The following ZNF277 variants were observed in gnomAD, a reference collection of about 807,000 sequenced individuals.
The protein encoded by ZNF277 is zinc finger protein 277.
A neutral mutation model predicts 60.7 loss-of-function variants in ZNF277; 55 were observed. The ratio of observed to expected loss-of-function variants is 0.91; its 90% CI spans 0.73 to 1.13. ZNF277 has a LOEUF of 1.13. Ranked by LOEUF, ZNF277 falls within the 50% of genes most tolerant of loss-of-function variation. ZNF277 has a pLI of 0.00. For synonymous variants in ZNF277, 178 were observed against 179.3 expected, an observed-to-expected ratio of 0.99 and a Z score of 0.06; for missense variants, 510 against 523.0, an observed-to-expected ratio of 0.98 and a Z score of 0.24.
intron 1 of ZNF277, among the ~76,000 whole-genome samples, chr7:112,269,987 A>C (rs767759114): frequency 6.6e-6 from 1 of 152,130 alleles, no homozygotes; most frequent in African/African-American, 2.4e-5. Flanking sequence ...ATATGGGGGA[A>C]GAGGGCTAGG....
chr7:112,266,164 C>T (rs1202821979), intron 1 of ZNF277, among the ~76,000 whole-genome samples: 1 of 150,514 alleles, frequency 6.6e-6, no homozygotes, highest in Non-Finnish European at 1.5e-5. Context: ...TTTTTTTTGA[C>T]GGAGTCTCAC....
chr7:112,209,139 T>A (rs1390710035), intron 1 of ZNF277, among the ~76,000 whole-genome samples: 1 of 152,188 alleles, frequency 6.6e-6, no homozygotes, highest in Non-Finnish European at 1.5e-5. Flanking sequence ...CAAAATATGA[T>A]TGTGCCATTC....
intron 1 of ZNF277, among the ~76,000 whole-genome samples, chr7:112,213,018 G>C (rs780719778): frequency 6.6e-6 from 1 of 152,166 alleles, no homozygotes. Flanking sequence ...TTGGTGACAT[G>C]GTTTGGCTGT....
chr7:112,293,090 A>AT (rs1792246135), intron 2 of ZNF277, among the ~76,000 whole-genome samples: 2 of 152,310 alleles, frequency 1.3e-5, no homozygotes, highest in South Asian at 4.1e-4. Context: ...TTTCAGAAAG[A>AT]TTAAATAACT....
rs755772282 is a variant in ZNF277 at position 112,336,177 on chromosome 7, A to C, written c.869+6A>C. The C allele has an allele frequency of 3.1e-6, 5 of 1,608,050 alleles. No homozygotes were observed. Among genetic ancestry groups the C allele is most frequent in the Middle Eastern group, 1.7e-4 (1 of 6,042 alleles). ...TTGCTGGACCATCAGGAAGAGTAAG[A>C]GTTGTTATTGCTGCTAATTAATTGC... On this transcript the variant is annotated splice_donor_region_variant and intron_variant, in intron 8 of 11. Transcript: ENST00000361822.
intron 5 of ZNF277, among the ~76,000 whole-genome samples, chr7:112,323,726 C>T (rs377524214): frequency 1.3e-4 from 20 of 152,314 alleles, no homozygotes; most frequent in African/African-American, 4.8e-4. Context: ...TTGATTTCGA[C>T]CATTTTCACC....
intron 1 of ZNF277, among the ~76,000 whole-genome samples, chr7:112,284,611 C>A (rs1792018989): frequency 6.6e-6 from 1 of 152,070 alleles, no homozygotes; most frequent in South Asian, 2.1e-4. Flanking sequence ...ATTGATAACA[C>A]CAGTTTTGTT....
chr7:112,235,494 A>G (rs1182001647), intron 1 of ZNF277, among the ~76,000 whole-genome samples: 3 of 152,178 alleles, frequency 2.0e-5, no homozygotes, highest in African/African-American at 7.2e-5. Flanking sequence ...ATTGAATTGC[A>G]TTTCTCTAGT....
At chr7:112,211,474 T>C (rs1024884837) in intron 1 of ZNF277, among the ~76,000 whole-genome samples, 1 of 152,212 alleles carries the variant, frequency 6.6e-6, no homozygotes, top group Admixed American at 6.5e-5. Context: ...ACCAGTTGTA[T>C]GTGTGTTTGT....
intron 8 of ZNF277, 39 bp from the exon 9 acceptor site, chr7:112,337,691 A>G: frequency 6.4e-7 from 1 of 1,568,018 alleles, no homozygotes; most frequent in South Asian, 1.1e-5. Context: ...CTCTTAATGA[A>G]GGGAATCTCC....
At chr7:112,321,305 A>C (rs1295619630) in intron 5 of ZNF277, among the ~76,000 whole-genome samples, 1 of 152,042 alleles carries the variant, frequency 6.6e-6, no homozygotes, top group Non-Finnish European at 1.5e-5. Context: ...ATTGAAAACA[A>C]TCTGTTTCAG....
chr7:112,248,901 T>G (rs1212409764), intron 1 of ZNF277, among the ~76,000 whole-genome samples: 1 of 152,136 alleles, frequency 6.6e-6, no homozygotes, highest in Non-Finnish European at 1.5e-5. Flanking sequence ...GGGACTTCTC[T>G]TCATGGAAGA....
At chr7:112,244,211 A>C (rs961110306) in intron 1 of ZNF277, among the ~76,000 whole-genome samples, 3 of 152,022 alleles carry the variant, frequency 2.0e-5, no homozygotes, top group African/African-American at 7.2e-5. Flanking sequence ...AATGTAACTA[A>C]AAGCTTCACT....
In ZNF277 at chr7:112,295,905, G is replaced by A. The variant is rs766979594; in HGVS notation, c.330G>A (p.Gln110=). The change falls in exon 3 of 12, where the codon CAG becomes CAA. Residue 110 remains glutamine, a synonymous_variant. Coordinates refer to ENST00000361822, the MANE Select transcript of ZNF277 (RefSeq NM_021994.3). ...ATTGGAGGAAAAGGTTCACTGAACAGCCCATCACAGATTTTTGTAGTGTAA... is the reference window on the plus strand; with the variant it reads ...ATTGGAGGAAAAGGTTCACTGAACAACCCATCACAGATTTTTGTAGTGTAA... The part of the protein sequence containing the change: ...ILYWRKRFTE[Q]PITDFCSVIR... The A allele has an allele frequency of 1.2e-6, 2 of 1,612,978 alleles. No homozygotes were observed. Among genetic ancestry groups the A allele is most frequent in the East Asian group, 2.2e-5 (1 of 44,698 alleles).
chr7:112,256,069 C>T (rs931784604), intron 1 of ZNF277, among the ~76,000 whole-genome samples: 3 of 152,108 alleles, frequency 2.0e-5, no homozygotes, highest in South Asian at 2.1e-4. Context: ...CTCTCTAGTC[C>T]TCTCTCCTAG....
chr7:112,340,623 A>G (rs1347447692), intron 10 of ZNF277, among the ~76,000 whole-genome samples: 4 of 152,206 alleles, frequency 2.6e-5, no homozygotes, highest in East Asian at 3.8e-4. Context: ...TAGGTATGAT[A>G]CTACCTATCT....
intron 1 of ZNF277, among the ~76,000 whole-genome samples, chr7:112,285,434 ATTT>A (rs397888986): frequency 2.4e-5 from 3 of 127,504 alleles, no homozygotes; most frequent in African/African-American, 6.1e-5. Flanking sequence ...AAAATAGGAA[ATTT>A]TTTTTTTTTT....
intron 1 of ZNF277, among the ~76,000 whole-genome samples, chr7:112,225,284 G>C (rs180777952): frequency 1.3e-5 from 2 of 152,312 alleles, no homozygotes; most frequent in Non-Finnish European, 2.9e-5. Flanking sequence ...CAGGGGCTTA[G>C]TGCCAGGCAA....
At chr7:112,305,943 G>C (rs1453996259) in intron 4 of ZNF277, among the ~76,000 whole-genome samples, 1 of 152,102 alleles carries the variant, frequency 6.6e-6, no homozygotes, top group Non-Finnish European at 1.5e-5. Flanking sequence ...TTAACCTGCA[G>C]TCTGGGTTCT....
Sources: gnomAD v4.1 joint callset for allele counts (sites outside exome capture counted in the v4.1 genomes callset) on GRCh38, gnomAD v4.1.1 for gene constraint, MANE v1.5 for transcripts, NCBI Gene and HGNC (gene_info 2026-07-23, HGNC 2026-07-21) for gene names.